The following ITGA9 variants were observed in gnomAD, a reference collection of about 807,000 sequenced individuals.
The protein encoded by ITGA9 is integrin alpha-9.
In ITGA9, 56 loss-of-function variants were observed where a neutral mutation model predicts 127.8. That is an observed-to-expected ratio of 0.44 (90% CI 0.35 to 0.55). ITGA9 has a LOEUF of 0.55. ITGA9 is among the 20% of genes least tolerant of loss of function. The probability of loss-of-function intolerance (pLI) is 0.00; values close to 1 mark genes in which losing one functional copy is unlikely to be tolerated. For synonymous variants in ITGA9, 508 were observed against 514.5 expected (o/e 0.99, Z 0.17); for missense variants, 1,196 against 1,347.1 (o/e 0.89, Z 1.76).
At chr3:37,739,767 G>A (rs890070027) in intron 20 of ITGA9, among the ~76,000 whole-genome samples, 1 of 152,104 alleles carries the variant, frequency 6.6e-6, no homozygotes, top group Non-Finnish European at 1.5e-5. Context: ...AGACGGTTGG[G>A]CCTGAGCCGG....
At chr3:37,463,237 G>T (rs1272474589) in intron 1 of ITGA9, among the ~76,000 whole-genome samples, 1 of 152,224 alleles carries the variant, frequency 6.6e-6, no homozygotes, top group Non-Finnish European at 1.5e-5. Context: ...TGACGTATCT[G>T]TTTTCTATCA....
At chr3:37,579,401 C>T (rs957505527) in intron 15 of ITGA9, among the ~76,000 whole-genome samples, 1 of 152,126 alleles carries the variant, frequency 6.6e-6, no homozygotes, top group East Asian at 1.9e-4. Context: ...CTCCAGCCAT[C>T]ACATCCAAAT....
intron 17 of ITGA9, among the ~76,000 whole-genome samples, 172 bp downstream of exon 17, chr3:37,653,962 G>A (rs1391383308): frequency 1.3e-5 from 2 of 152,208 alleles, no homozygotes; most frequent in African/African-American, 4.8e-5. Flanking sequence ...TATAACAAAA[G>A]CTTTGTTGGG....
At chr3:37,566,466 C>G (rs1048599722) in intron 15 of ITGA9, among the ~76,000 whole-genome samples, 1 of 152,204 alleles carries the variant, frequency 6.6e-6, no homozygotes, top group Non-Finnish European at 1.5e-5. Flanking sequence ...TAACATCTTA[C>G]ATATACATAG....
At chr3:37,621,136 T>C (rs1274418383) in intron 15 of ITGA9, among the ~76,000 whole-genome samples, 1 of 152,220 alleles carries the variant, frequency 6.6e-6, no homozygotes, top group African/African-American at 2.4e-5. Flanking sequence ...TGAGGTCTGA[T>C]GCTTTTATAA....
At chr3:37,572,662 C>T (rs1476589695) in intron 15 of ITGA9, among the ~76,000 whole-genome samples, 1 of 152,146 alleles carries the variant, frequency 6.6e-6, no homozygotes, top group East Asian at 1.9e-4. Context: ...ACGTCTCATA[C>T]TGTAATGTGT....
At chr3:37,477,122 C>A (rs1698502391) in intron 3 of ITGA9, among the ~76,000 whole-genome samples, 1 of 152,012 alleles carries the variant, frequency 6.6e-6, no homozygotes. Context: ...ATGTTTCAAC[C>A]CTACCTGTCA....
chr3:37,788,316 A>C (rs1697065500), intron 26 of ITGA9, among the ~76,000 whole-genome samples: 1 of 152,146 alleles, frequency 6.6e-6, no homozygotes. Context: ...CAGAAAAAAC[A>C]CACTACTAGG....
intron 15 of ITGA9, among the ~76,000 whole-genome samples, chr3:37,614,821 C>T (rs1050257777): frequency 1.3e-5 from 2 of 152,148 alleles, no homozygotes; most frequent in African/African-American, 4.8e-5. Flanking sequence ...ATTTTGCATC[C>T]TGAGACTTTG....
At chr3:37,804,441 C>A (rs1320322648) in intron 27 of ITGA9, among the ~76,000 whole-genome samples, 3 of 152,154 alleles carry the variant, frequency 2.0e-5, no homozygotes, top group Admixed American at 6.5e-5. Flanking sequence ...GGAGGTGGCC[C>A]AGGGTGCAGA....
chr3:37,636,639 A>G (rs1333678251), intron 16 of ITGA9, among the ~76,000 whole-genome samples: 1 of 152,208 alleles, frequency 6.6e-6, no homozygotes, highest in African/African-American at 2.4e-5. Flanking sequence ...TAGTTTAATT[A>G]GATCCCATTT....
intron 1 of ITGA9, among the ~76,000 whole-genome samples, chr3:37,460,254 A>C (rs1698302195): frequency 1.3e-5 from 2 of 152,240 alleles, no homozygotes; most frequent in South Asian, 4.1e-4. Flanking sequence ...AAACTTCTGC[A>C]CCAGTGACCA....
chr3:37,709,482 T>G (rs1460469518), intron 18 of ITGA9, among the ~76,000 whole-genome samples: 2 of 152,152 alleles, frequency 1.3e-5, no homozygotes, highest in Non-Finnish European at 2.9e-5. Flanking sequence ...GGCATAAAAA[T>G]GGGGGACTAA....
At position 37,806,545 on chromosome 3, in the gene ITGA9, C is replaced by G. The variant is rs1697299413; in HGVS notation, c.3009+2603C>G. 6.5e-6 allele frequency: 1 copy of G among 152,714 alleles called. No individual in the cohort carries two copies. Among genetic ancestry groups the G allele is most frequent in the Non-Finnish European group, 1.5e-5 (1 of 68,416 alleles). The allele number at this position is 152,714 out of a possible 1,614,324, so 9.5% of individuals were successfully genotyped here. A position where few individuals can be genotyped will look rare whatever the true frequency, so the allele number is the denominator to read the frequency against. ...GCCCCTGCCTCCTCCAGCCCACCAC[C>G]TGCTTTGCCTTGCTTTTGCTGTGTT... On this transcript the variant is annotated intron_variant, in intron 27 of 27. Coordinates refer to ENST00000264741, the MANE Select transcript of ITGA9 (RefSeq NM_002207.3). The surrounding 1 kb of genome is among the most constrained non-coding windows in gnomAD (Gnocchi z 4.3).
At chr3:37,641,075 C>T (rs954732279) in intron 16 of ITGA9, among the ~76,000 whole-genome samples, 4 of 152,116 alleles carry the variant, frequency 2.6e-5, no homozygotes, top group Non-Finnish European at 4.4e-5. Flanking sequence ...TCTGCAGGCC[C>T]GTGGGTGGGC....
chr3:37,732,872 T>C (rs115216783), intron 19 of ITGA9, 74 bp downstream of exon 19: 31,522 of 1,187,444 alleles, frequency 0.027, 523 homozygotes, highest in Non-Finnish European at 0.033. Context: ...TTCCGCCGCC[T>C]CCCTGAGGTG....
chr3:37,808,327 G>A (rs1164877436), intron 27 of ITGA9: 4 of 152,214 alleles, frequency 2.6e-5, no homozygotes, highest in African/African-American at 4.8e-5. Flanking sequence ...AGGGAGGAAG[G>A]GAGTTGGGAG....
chr3:37,553,179 G>A (rs924251147), intron 15 of ITGA9, among the ~76,000 whole-genome samples: 1 of 152,068 alleles, frequency 6.6e-6, no homozygotes, highest in African/African-American at 2.4e-5. Context: ...AGAGTAAGTC[G>A]GAGACGCGAT....
At chr3:37,627,453 C>A (rs538010461) in intron 15 of ITGA9, among the ~76,000 whole-genome samples, 1 of 152,086 alleles carries the variant, frequency 6.6e-6, no homozygotes, top group African/African-American at 2.4e-5. Context: ...CTCCTCTCCC[C>A]CCGCAGCCCC....
Sources: allele counts gnomAD v4.1 joint callset (sites outside exome capture counted in the v4.1 genomes callset), GRCh38; gene constraint gnomAD v4.1.1; non-coding constraint Gnocchi (gnomAD v3.1); transcripts MANE v1.5; gene names NCBI Gene and HGNC (gene_info 2026-07-23, HGNC 2026-07-21).